PCDHA10: variants seen among roughly 807,000 people sequenced by gnomAD.
PCDHA10 encodes the protein protocadherin alpha 10.
A neutral mutation model predicts 61.2 loss-of-function variants in PCDHA10; 45 were observed. The ratio of observed to expected loss-of-function variants is 0.74; its 90% CI spans 0.58 to 0.94. PCDHA10 has a LOEUF of 0.94. PCDHA10 is among the 40% of genes least tolerant of loss of function. The pLI, the probability that PCDHA10 is intolerant of heterozygous loss-of-function variation, is 0.00. For missense variants in PCDHA10, 1,278 were observed against 1,236.2 expected (o/e 1.03, Z -0.51); for synonymous variants, 602 against 548.8 (o/e 1.10, Z -1.35).
chr5:140,995,861 A>G (rs2097700846), intron 3 of PCDHA10, among the ~76,000 whole-genome samples: 1 of 152,220 alleles, frequency 6.6e-6, no homozygotes. Context: ...GTATCACTTA[A>G]TAATTGTGCA....
chr5:140,872,442 C>T (rs1443444144), intron 1 of PCDHA10, among the ~76,000 whole-genome samples: 1 of 152,070 alleles, frequency 6.6e-6, no homozygotes, highest in Non-Finnish European at 1.5e-5. Context: ...GCCTGGACAA[C>T]ATAGCGAGAT....
intron 3 of PCDHA10, 79 bp downstream of exon 3, chr5:140,982,642 G>T: frequency 6.5e-7 from 1 of 1,529,982 alleles, no homozygotes; most frequent in Non-Finnish European, 8.8e-7. Flanking sequence ...GATCAGGAAT[G>T]TTGATGGCTC....
chr5:140,904,150 C>A (rs1005130566), intron 1 of PCDHA10, among the ~76,000 whole-genome samples: 1 of 152,036 alleles, frequency 6.6e-6, no homozygotes, highest in African/African-American at 2.4e-5. Flanking sequence ...GTATACATTG[C>A]ACCCAGTTTG....
chr5:140,891,755 G>C (rs1489884923), intron 1 of PCDHA10, among the ~76,000 whole-genome samples: 2 of 152,114 alleles, frequency 1.3e-5, no homozygotes, highest in Non-Finnish European at 2.9e-5. Flanking sequence ...CAACAGTGTT[G>C]GGAGGTGGGG....
chr5:140,978,989 T>G lies in PCDHA10; in HGVS notation c.2429T>G (p.Leu810Arg). 1 of 1,614,212 alleles carries G rather than the reference T, an allele frequency of 6.2e-7. No individual in the cohort carries two copies. Among genetic ancestry groups the G allele is most frequent in the Non-Finnish European group, 8.5e-7 (1 of 1,180,034 alleles). Residue 810 changes from leucine to arginine, a missense_variant, in exon 2 of 4, where the codon CTG (leucine) becomes CGG (arginine). Transcript: ENST00000307360. Reference protein sequence around the residue: ...PNPDWRYSASLRAGMHSSVHL... With the variant: ...PNPDWRYSASRRAGMHSSVHL... ...CCTGACTGGCGTTACTCTGCCTCCC[T>G]GAGAGCAGGCATGCACAGGTATGTA...
chr5:140,960,299 A>C (rs246005), intron 1 of PCDHA10, among the ~76,000 whole-genome samples: 85,531 of 151,846 alleles, frequency 0.56, 24,685 homozygotes, highest in African/African-American at 0.69. Flanking sequence ...TTTCTTCATC[A>C]ATACCAACCT....
chr5:140,994,272 CT>C (rs1359828811), intron 3 of PCDHA10, among the ~76,000 whole-genome samples: 4 of 152,168 alleles, frequency 2.6e-5, no homozygotes, highest in African/African-American at 9.7e-5. Flanking sequence ...GCTAGGCTGC[CT>C]TTCTTGAGAC....
rs1044322759 is a variant in PCDHA10 at position 140,877,540 on chromosome 5, G to C, written c.2388+19104G>C. 35 of 1,613,652 alleles carry C rather than the reference G, an allele frequency of 2.2e-5. No individual in the cohort carries two copies. Among genetic ancestry groups the C allele is most frequent in the Non-Finnish European group, 2.7e-5 (32 of 1,179,908 alleles). On this transcript the variant is annotated intron_variant, in intron 1 of 3. Coordinates refer to ENST00000307360, the MANE Select transcript of PCDHA10 (RefSeq NM_018901.4). ...GGCCTCAGTGGGCGCTGTGGATCCCGAAGCGGCTCTGGTGGATATTAACGT... is the reference window on the plus strand; with the variant it reads ...GGCCTCAGTGGGCGCTGTGGATCCCCAAGCGGCTCTGGTGGATATTAACGT...
chr5:140,988,936 T>C (rs2097321406), intron 3 of PCDHA10: 1 of 152,158 alleles, frequency 6.6e-6, no homozygotes, highest in Non-Finnish European at 1.5e-5. Flanking sequence ...ACTGTTCTCT[T>C]AGGCTGCAGT....
At chr5:140,993,509 CGGGGAGAGAGAG>C (rs1563592888) in intron 3 of PCDHA10, among the ~76,000 whole-genome samples, 1 of 143,490 alleles carries the variant, frequency 7.0e-6, no homozygotes, top group Admixed American at 7.0e-5. Context: ...CACACACACA[CGGGGAGAGAGAG>C]ACAGAGAGAG....
chr5:140,941,241 T>TTCTTTCTTTCTTTC (rs1247398838), intron 1 of PCDHA10, among the ~76,000 whole-genome samples: 1 of 140,458 alleles, frequency 7.1e-6, no homozygotes, highest in Non-Finnish European at 1.5e-5. Flanking sequence ...CTTTCTTTCT[T>TTCTTTCTTTCTTTC]TCTTTCTTTC....
intron 1 of PCDHA10, chr5:140,859,219 T>G (rs901080538): frequency 2.0e-5 from 3 of 149,830 alleles, no homozygotes; most frequent in African/African-American, 4.9e-5. Context: ...CTCTTTCACT[T>G]TAAGGAAGGA....
intron 1 of PCDHA10, among the ~76,000 whole-genome samples, chr5:140,886,264 A>G (rs1471846282): frequency 6.6e-6 from 1 of 151,982 alleles, no homozygotes; most frequent in Non-Finnish European, 1.5e-5. Context: ...CTATTTATAG[A>G]TAAAATTTTT....
chr5:140,988,551 ATCT>A (rs1472655983), intron 3 of PCDHA10, among the ~76,000 whole-genome samples: 4 of 152,158 alleles, frequency 2.6e-5, no homozygotes, highest in South Asian at 2.1e-4. Flanking sequence ...GACTTTCTTC[ATCT>A]TCTTCTTGGG....
At chr5:140,979,068 C>G in intron 2 of PCDHA10, 61 bp downstream of exon 2, 1 of 1,602,182 alleles carries the variant, frequency 6.2e-7, no homozygotes. Flanking sequence ...CTCAGATAAA[C>G]TGCATCTCCA....
At chr5:141,006,363 C>A (rs2098270160) in intron 3 of PCDHA10, among the ~76,000 whole-genome samples, 1 of 152,080 alleles carries the variant, frequency 6.6e-6, no homozygotes, top group Non-Finnish European at 1.5e-5. Context: ...AGGCGCCCAC[C>A]ACCACGCCCG....
chr5:140,985,792 T>G (rs1043772430), intron 3 of PCDHA10, among the ~76,000 whole-genome samples: 1 of 142,326 alleles, frequency 7.0e-6, no homozygotes. Flanking sequence ...CAGGCTGGAG[T>G]GCAGTGGCAC....
intron 1 of PCDHA10, chr5:140,858,677 T>A (rs1480959792): frequency 3.2e-6 from 2 of 629,026 alleles, no homozygotes; most frequent in African/African-American, 3.7e-5. Context: ...TTATTCTGAA[T>A]ACACTAATAT....
chr5:140,876,657 C>T (rs782518264), intron 1 of PCDHA10: 3 of 1,614,228 alleles, frequency 1.9e-6, no homozygotes, highest in East Asian at 4.5e-5. Flanking sequence ...ATGTTCCCTT[C>T]AAGCTGGTGT....
Sources: gnomAD v4.1 joint callset for allele counts (sites outside exome capture counted in the v4.1 genomes callset) on GRCh38, gnomAD v4.1.1 for gene constraint, MANE v1.5 for transcripts, NCBI Gene and HGNC (gene_info 2026-07-23, HGNC 2026-07-21) for gene names.